Variants in ABHD12 observed in about 807,000 individuals in gnomAD.
The protein encoded by ABHD12 is abhydrolase domain containing 12, lysophospholipase.
In ABHD12, 43 loss-of-function variants were observed where a neutral mutation model predicts 58.3. The ratio of observed to expected loss-of-function variants is 0.74; its 90% confidence interval spans 0.58 to 0.95. The LOEUF (loss-of-function observed/expected upper bound fraction) is 0.95, where lower values mean the gene tolerates loss of function less well. Among genes scored for constraint, ABHD12 ranks in the 40% least tolerant of loss-of-function variants. ABHD12 has a pLI of 0.00. For synonymous variants in ABHD12, 219 were observed against 211.2 expected (o/e 1.04, Z -0.32); for missense variants, 539 against 537.2 (o/e 1.00, Z -0.03).
At chr20:25,355,262 T>C (rs1364137884) in intron 1 of ABHD12, among the ~76,000 whole-genome samples, 2 of 151,890 alleles carry the variant, frequency 1.3e-5, no homozygotes, top group African/African-American at 2.4e-5. Context: ...GCACTTCCAT[T>C]CCCTGCTGCT....
At chr20:25,301,340 C>T (rs1468220541) in intron 12 of ABHD12, among the ~76,000 whole-genome samples, 2 of 152,218 alleles carry the variant, frequency 1.3e-5, no homozygotes, top group East Asian at 1.9e-4. Flanking sequence ...ACGGGATATA[C>T]AGCACTGGGA....
chr20:25,302,469 G>C, intron 11 of ABHD12, 123 bp from the exon 12 acceptor site: 2 of 1,330,934 alleles, frequency 1.5e-6, no homozygotes, highest in Non-Finnish European at 2.1e-6. Context: ...TACACTGCTT[G>C]TTGCCACAGC....
intron 1 of ABHD12, among the ~76,000 whole-genome samples, chr20:25,367,406 T>A (rs1053814621): frequency 1.3e-5 from 2 of 152,168 alleles, no homozygotes; most frequent in Non-Finnish European, 2.9e-5. Flanking sequence ...ATTTTTCCAA[T>A]TTTTTTACAC....
At position 25,384,090 on chromosome 20, in the gene ABHD12, C is replaced by T. The variant is rs1464995554; in HGVS notation, c.191+6423G>A. The stretch of plus-strand genomic sequence containing the variant: ...CTGGGAGGCAGAGGTTGCAGTGAGC[C>T]GAGATCACGCCACTGCACTCCAGCC... On this transcript the variant is annotated intron_variant, in intron 1 of 12. Coordinates refer to ENST00000339157, the MANE Select transcript of ABHD12 (RefSeq NM_001042472.3). Among the ~76,000 whole-genome samples the T allele has an allele frequency of 5.7e-4, 85 of 149,476 alleles. 1 individual carries two copies. Among genetic ancestry groups the T allele is most frequent in the East Asian group, 7.8e-4 (4 of 5,104 alleles).
intron 1 of ABHD12, among the ~76,000 whole-genome samples, chr20:25,342,473 T>A (rs929409429): frequency 2.1e-5 from 3 of 140,568 alleles, no homozygotes; most frequent in South Asian, 4.5e-4. Flanking sequence ...TTTTTTTTTT[T>A]ACAAATTCAA....
rs2090162034 is a variant in ABHD12 at position 25,390,585 on chromosome 20, A to G, written c.119T>C (p.Leu40Pro). The G allele has an allele frequency of 1.4e-6, 2 of 1,474,950 alleles. No homozygotes were observed. Among genetic ancestry groups the G allele is most frequent in the African/African-American group, 1.5e-5 (1 of 67,578 alleles). 91.4% of individuals were successfully genotyped at this position (1,474,950 alleles called of 1,614,324 possible). A position where few individuals can be genotyped will look rare whatever the true frequency, so the allele number is the denominator to read the frequency against. ...LDADCRLKQNLRLTGPAAAEP... is the reference protein window; with the variant it reads ...LDADCRLKQNPRLTGPAAAEP... The stretch of plus-strand genomic sequence containing the variant: ...AGCCGCCGCCGGGCCCGTCAGGCGT[A>G]GGTTCTGCTTCAGGCGGCAGTCGGC... Residue 40 changes from leucine (L) to proline (P), a missense_variant, in exon 1 of 13, where the codon CTA (leucine) becomes CCA (proline). Leu to Pro is a moderately conservative substitution (Grantham distance 98, BLOSUM62 -3). Transcript: ENST00000339157.
intron 1 of ABHD12, among the ~76,000 whole-genome samples, chr20:25,379,706 C>T (rs6083823): frequency 6.6e-6 from 1 of 152,138 alleles, no homozygotes; most frequent in African/African-American, 2.4e-5. Context: ...TGAAGTTATC[C>T]TATAGCATAG....
chr20:25,344,479 A>G (rs989545717), intron 1 of ABHD12, among the ~76,000 whole-genome samples: 1 of 152,234 alleles, frequency 6.6e-6, no homozygotes, highest in Non-Finnish European at 1.5e-5. Context: ...CAAAATATGT[A>G]CAAGATCTAA....
downstream of ABHD12, among the ~76,000 whole-genome samples, chr20:25,298,996 G>A (rs1270494217): frequency 6.6e-6 from 1 of 152,214 alleles, no homozygotes; most frequent in Non-Finnish European, 1.5e-5. Context: ...ACTGAGCTCA[G>A]CACCCTGGGT....
chr20:25,316,098 T>C (rs373855555), intron 5 of ABHD12, among the ~76,000 whole-genome samples: 3 of 152,170 alleles, frequency 2.0e-5, no homozygotes, highest in East Asian at 3.8e-4. Context: ...CTGCAGCCCT[T>C]GCTGGGGTGA....
chr20:25,368,287 A>C, intron 1 of ABHD12: 1 of 1,533,762 alleles, frequency 6.5e-7, no homozygotes, highest in Non-Finnish European at 8.9e-7. Context: ...AGAGTTGTTC[A>C]CAGTCAGCAA....
At chr20:25,322,615 T>A (rs1283339748) in intron 3 of ABHD12, among the ~76,000 whole-genome samples, 10 of 151,250 alleles carry the variant, frequency 6.6e-5, no homozygotes, top group Non-Finnish European at 1.3e-4. Flanking sequence ...GAACTCCTGA[T>A]CTCAAGTGAT....
chr20:25,296,820 C>T (rs1380359116), downstream of ABHD12: 4 of 405,826 alleles, frequency 9.9e-6, no homozygotes, highest in Non-Finnish European at 1.8e-5. Context: ...GAGCCACCTG[C>T]TGGGCTCCCC....
At chr20:25,385,837 A>G (rs1228083180) in intron 1 of ABHD12, among the ~76,000 whole-genome samples, 1 of 152,074 alleles carries the variant, frequency 6.6e-6, no homozygotes, top group African/African-American at 2.4e-5. Context: ...GGTGGCTGAC[A>G]CCTGTAATCC....
rs1417724442 is a variant in ABHD12, at chr20:25,302,258, T to C, written c.1118A>G (p.Lys373Arg). 3 of 1,613,748 alleles carry C rather than the reference T, an allele frequency of 1.9e-6. No individual in the cohort carries two copies. Among genetic ancestry groups the C allele is most frequent in the Non-Finnish European group, 8.5e-7 (1 of 1,179,988 alleles). ...CAGCTCAGGGCTCTTGTAAATGTAT[T>C]TGTGCCTGTAGCCAAGGTCTGAATG... is the stretch of plus-strand genomic sequence containing the variant. ...PFHSDLGYRH[K>R]YIYKSPELPR... Residue 373 changes from lysine (K) to arginine (R), a missense_variant, in exon 12 of 13, where the codon AAA (lysine) becomes AGA (arginine). Transcript: ENST00000339157.
intron 1 of ABHD12, among the ~76,000 whole-genome samples, chr20:25,364,833 C>T (rs1329143814): frequency 6.6e-6 from 1 of 152,226 alleles, no homozygotes; most frequent in Non-Finnish European, 1.5e-5. Flanking sequence ...TCTCACACCG[C>T]CAATGGGAGC....
chr20:25,336,412 C>CTTT (rs2089369858), intron 2 of ABHD12, among the ~76,000 whole-genome samples: 1 of 151,692 alleles, frequency 6.6e-6, no homozygotes, highest in Non-Finnish European at 1.5e-5. Context: ...TGCTATGTTT[C>CTTT]TTTAAAAGCT....
intron 1 of ABHD12, among the ~76,000 whole-genome samples, 160 bp downstream of exon 1, chr20:25,390,353 C>T (rs1280460352): frequency 6.6e-6 from 1 of 151,996 alleles, no homozygotes; most frequent in Non-Finnish European, 1.5e-5. Context: ...GGGGCTGCCG[C>T]GGGCCAAATG....
At chr20:25,375,279 T>C (rs930819504) in intron 1 of ABHD12, among the ~76,000 whole-genome samples, 12 of 152,224 alleles carry the variant, frequency 7.9e-5, no homozygotes, top group Non-Finnish European at 1.3e-4. Flanking sequence ...TACTTTGTTA[T>C]GGTAGCCCTC....
Sources: allele counts gnomAD v4.1 joint callset (sites outside exome capture counted in the v4.1 genomes callset), GRCh38; gene constraint gnomAD v4.1.1; transcripts MANE v1.5; gene names NCBI Gene and HGNC (gene_info 2026-07-23, HGNC 2026-07-21).